Variants in TUSC3 observed in about 807,000 individuals in gnomAD.
The protein encoded by TUSC3 is tumor suppressor candidate 3, also known as dolichyl-diphosphooligosaccharide--protein glycosyltransferase subunit TUSC3.
TUSC3 carries 45 observed loss-of-function variants against 44.8 expected under a neutral mutation model. The observed-to-expected ratio is 1.00, with a 90% CI of 0.79 to 1.29. The LOEUF (loss-of-function observed/expected upper bound fraction) is 1.29, where lower values mean the gene tolerates loss of function less well. TUSC3 is among the 50% of genes most tolerant of loss of function. The pLI is 0.00. For missense variants in TUSC3, 519 were observed against 437.9 expected, an observed-to-expected ratio of 1.19 and a Z score of -1.65; for synonymous variants, 212 against 152.9, an observed-to-expected ratio of 1.39 and a Z score of -2.85.
intron 3 of TUSC3, among the ~76,000 whole-genome samples, chr8:15,658,129 A>T (rs750892506): frequency 1.3e-5 from 2 of 152,202 alleles, no homozygotes; most frequent in Non-Finnish European, 2.9e-5. Context: ...CAAACATTCA[A>T]ACCATAGCAA....
chr8:15,427,075 G>GTTTTTTTTTTTTTTTTTTTTTTTT (rs367932724), intron 1 of TUSC3, among the ~76,000 whole-genome samples: 2 of 145,960 alleles, frequency 1.4e-5, no homozygotes. Context: ...GTTGTTTGGT[G>GTTTTTTTTTTTTTTTTTTTTTTTT]TTTGTTTTTT....
At chr8:15,816,264 AG>A in the TUSC3 span, among the ~76,000 whole-genome samples, 1 of 152,292 alleles carries the variant, frequency 6.6e-6, no homozygotes, top group Admixed American at 6.5e-5. Context: ...GGGTTTGCAG[AG>A]GGGATAGTGG....
At chr8:15,595,970 CAT>C (rs1015100153) in intron 1 of TUSC3, among the ~76,000 whole-genome samples, 3 of 152,108 alleles carry the variant, frequency 2.0e-5, no homozygotes, top group African/African-American at 7.2e-5. Flanking sequence ...ATATCTTTAA[CAT>C]ATTTCTTCAG....
chr8:15,748,987 A>G (rs985910637), intron 9 of TUSC3: 1 of 346,704 alleles, frequency 2.9e-6, no homozygotes, highest in African/African-American at 2.2e-5. Flanking sequence ...TGAAAATTCA[A>G]AGGCCGCATT....
chr8:15,559,152 TTCCCTCTA>T lies in TUSC3; in HGVS notation c.138+18585_138+18592del, dbSNP rs1353421783. Among the ~76,000 whole-genome samples the T allele has an allele frequency of 1.2e-3, 169 of 144,394 alleles. 3 individuals carry two copies. The highest frequency in any genetic ancestry group is 4.1e-3 in the African/African-American group (162 of 39,470). 94.7% of individuals were successfully genotyped at this position (144,394 alleles called of 152,430 possible). A position where few individuals can be genotyped will look rare whatever the true frequency, so the allele number is the denominator to read the frequency against. On this transcript the variant is annotated intron_variant, in intron 1 of 10. Coordinates refer to ENST00000503731, the MANE Select transcript of TUSC3 (RefSeq NM_006765.4). ...CTTGTGGGCATTTAGTGCTATAAAT[TTCCCTCTA>T]CACACTGCTTTGAATGCGTCCCAGA...
Position 15,764,604 on chromosome 8 carries a change from A to C in TUSC3, c.*448A>C, listed in dbSNP as rs533811796. ...ACAGGGATAAAGCAAATGCATGAAA[A>C]TATGTCATGTACTGAAAATTAAACT... On this transcript the variant is annotated 3_prime_UTR_variant, in exon 11 of 11. Transcript: ENST00000503731. The C allele has an allele frequency of 3.5e-5, 7 of 197,418 alleles. No homozygotes were observed. The highest frequency in any genetic ancestry group is 5.3e-5 in the Non-Finnish European group (5 of 95,172). 12.2% of individuals were successfully genotyped at this position (197,418 alleles called of 1,614,324 possible).
intron 5 of TUSC3, among the ~76,000 whole-genome samples, chr8:15,662,902 G>C (rs912449313): frequency 1.3e-5 from 2 of 151,880 alleles, no homozygotes; most frequent in African/African-American, 4.8e-5. Flanking sequence ...GACATGAGCT[G>C]AATTCTGTAG....
chr8:15,761,447 C>G (rs1356258237), intron 10 of TUSC3, among the ~76,000 whole-genome samples: 2 of 152,190 alleles, frequency 1.3e-5, no homozygotes, highest in Non-Finnish European at 2.9e-5. Flanking sequence ...CACATTTGTG[C>G]TAGTCCTAGC....
intron 1 of TUSC3, among the ~76,000 whole-genome samples, chr8:15,582,523 G>T (rs566591522): frequency 1.3e-5 from 2 of 152,170 alleles, no homozygotes; most frequent in Non-Finnish European, 2.9e-5. Context: ...TTAAATGGCA[G>T]TTAAAAATTA....
intron 7 of TUSC3, among the ~76,000 whole-genome samples, chr8:15,740,727 C>T (rs143116935): frequency 9.2e-5 from 14 of 152,192 alleles, no homozygotes; most frequent in African/African-American, 3.1e-4. Flanking sequence ...TATGATTGTA[C>T]GTAGCGAATT....
At chr8:15,716,268 A>G (rs780512692) in intron 6 of TUSC3, among the ~76,000 whole-genome samples, 1 of 152,130 alleles carries the variant, frequency 6.6e-6, no homozygotes, top group Non-Finnish European at 1.5e-5. Context: ...GAAGAAAAAA[A>G]CAAAAATTCT....
At chr8:15,687,166 A>ATTCT (rs1299777692) in intron 6 of TUSC3, among the ~76,000 whole-genome samples, 1 of 152,152 alleles carries the variant, frequency 6.6e-6, no homozygotes, top group Non-Finnish European at 1.5e-5. Flanking sequence ...TGGAATTGAG[A>ATTCT]TTCTTCCCTC....
chr8:15,626,389 C>T (rs1805509785), intron 2 of TUSC3, among the ~76,000 whole-genome samples: 1 of 152,202 alleles, frequency 6.6e-6, no homozygotes, highest in African/African-American at 2.4e-5. Flanking sequence ...GGAACTGGGT[C>T]TGGGGCAGTG....
intron 6 of TUSC3, 66 bp from the exon 7 acceptor site, chr8:15,730,600 A>C: frequency 6.7e-7 from 1 of 1,491,690 alleles, no homozygotes; most frequent in Non-Finnish European, 9.3e-7. Context: ...TATCTTCATG[A>C]CTTAAAACTA....
At chr8:15,807,474 G>C in the TUSC3 span, among the ~76,000 whole-genome samples, 176 of 152,110 alleles carry the variant, frequency 1.2e-3, no homozygotes, top group African/African-American at 3.0e-3. Flanking sequence ...ATGTCTCAAA[G>C]AATGTAAAAC....
At chr8:15,761,496 C>T (rs1302208238) in intron 10 of TUSC3, among the ~76,000 whole-genome samples, 1 of 152,204 alleles carries the variant, frequency 6.6e-6, no homozygotes, top group African/African-American at 2.4e-5. Flanking sequence ...ATTTGCTACT[C>T]TTGCCAATTA....
chr8:15,662,068 T>C, intron 4 of TUSC3, 88 bp from the exon 5 acceptor site: 4 of 1,458,682 alleles, frequency 2.7e-6, no homozygotes, highest in Admixed American at 3.7e-5. Context: ...CTGAGTTCTT[T>C]GCGTTGAAAA....
chr8:15,660,267 A>G (rs1267508964), intron 4 of TUSC3, among the ~76,000 whole-genome samples: 1 of 152,102 alleles, frequency 6.6e-6, no homozygotes, highest in Non-Finnish European at 1.5e-5. Flanking sequence ...TAAATATACT[A>G]TGGCATAGCC....
chr8:15,592,009 T>TTAC (rs764061902), intron 1 of TUSC3, among the ~76,000 whole-genome samples: 45 of 152,226 alleles, frequency 3.0e-4, no homozygotes, highest in Non-Finnish European at 5.9e-5. Context: ...TATAGTAGTC[T>TTAC]AGGTAAGAGA....
Sources: gnomAD v4.1 joint callset for allele counts (sites outside exome capture counted in the v4.1 genomes callset) on GRCh38, gnomAD v4.1.1 for gene constraint, MANE v1.5 for transcripts, NCBI Gene and HGNC (gene_info 2026-07-23, HGNC 2026-07-21) for gene names.